The following LRRC75B variants were observed in gnomAD, a reference collection of about 807,000 sequenced individuals.
LRRC75B encodes leucine-rich repeat-containing protein 75B.
In LRRC75B, 20 loss-of-function variants were observed where a neutral mutation model predicts 16.5. The observed-to-expected ratio is 1.21, with a 90% CI of 0.85 to 1.76. The LOEUF (loss-of-function observed/expected upper bound fraction) is 1.76. LRRC75B is among the 40% of genes most tolerant of loss of function. LRRC75B has a pLI of 0.00. For synonymous variants in LRRC75B, 199 were observed against 198.1 expected, an observed-to-expected ratio of 1.00 and a Z score of -0.04; for missense variants, 406 against 417.0, an observed-to-expected ratio of 0.97 and a Z score of 0.23.
intron 3 of LRRC75B, 68 bp from the exon 4 acceptor site, chr22:24,586,479 G>T: frequency 6.6e-7 from 1 of 1,506,794 alleles, no homozygotes; most frequent in South Asian, 1.3e-5. Flanking sequence ...CACAGACAGT[G>T]ACCTGTCGGG....
Position 24,586,417 on chromosome 22 carries a change from G to A in LRRC75B, c.423-6C>T, listed in dbSNP as rs1401707119. 6.2e-7 allele frequency: 1 copy of A among 1,604,780 alleles called. No homozygotes were observed. The highest frequency in any genetic ancestry group is 1.7e-5 in the Admixed American group (1 of 59,600). The stretch of plus-strand genomic sequence containing the variant: ...TCTGGAGGCTGCTCTTGAGGCTATG[G>A]GAGAGTGGCAGGTGGGGATGGACTA... On this transcript the variant is annotated splice_polypyrimidine_tract_variant and splice_region_variant and intron_variant, in intron 3 of 3. Transcript: ENST00000318753.
chr22:24,587,151 CT>C (rs2045418838), intron 3 of LRRC75B, among the ~76,000 whole-genome samples: 1 of 152,122 alleles, frequency 6.6e-6, no homozygotes, highest in Non-Finnish European at 1.5e-5. Flanking sequence ...GATGTCGATT[CT>C]TTTAGGGTAG....
At chr22:24,588,932 C>T (rs530843186) in intron 2 of LRRC75B, 132 of 1,003,274 alleles carry the variant, frequency 1.3e-4, no homozygotes, top group Non-Finnish European at 1.5e-4. Flanking sequence ...CCGAGGTGCG[C>T]GGCCCACAAA....
intron 3 of LRRC75B, 50 bp from the exon 4 acceptor site, chr22:24,586,461 C>T (rs1324623804): frequency 2.6e-6 from 4 of 1,559,304 alleles, no homozygotes; most frequent in Non-Finnish European, 3.5e-6. Flanking sequence ...GGCAGTCCCC[C>T]CACTGACCAC....
At position 24,589,218 on chromosome 22, in the gene LRRC75B, C is replaced by T. The variant is rs1404815002; in HGVS notation, c.306+603G>A. ...CACACATCCTGGGGCTGTGTCGATG[C>T]TCATGGCAGGACATCTGCAGGTGCT... On this transcript the variant is annotated intron_variant, in intron 2 of 3. Coordinates refer to ENST00000318753, the MANE Select transcript of LRRC75B (RefSeq NM_207644.3). 1.1e-5 allele frequency: 14 copies of T among 1,254,394 alleles called. No homozygotes were observed. In the South Asian group the frequency reaches 1.6e-4, roughly 15 times the overall value. 77.7% of individuals were successfully genotyped at this position (1,254,394 alleles called of 1,614,324 possible).
At chr22:24,587,649 C>T (rs1034927301) in intron 3 of LRRC75B, among the ~76,000 whole-genome samples, 10 of 152,250 alleles carry the variant, frequency 6.6e-5, no homozygotes, top group Middle Eastern at 6.8e-3. Context: ...GGAGTCACTC[C>T]AGGATGGAGT....
chr22:24,592,553 G>C (rs535736244), intron 1 of LRRC75B: 22 of 447,170 alleles, frequency 4.9e-5, no homozygotes, highest in South Asian at 3.6e-4. Context: ...CCAGGCTACC[G>C]GGCCACCCTC....
chr22:24,590,038 G>A (rs1189970441), intron 1 of LRRC75B, 89 bp from the exon 2 acceptor site: 12 of 1,390,828 alleles, frequency 8.6e-6, no homozygotes, highest in South Asian at 7.6e-5. Context: ...GCTTATGCCC[G>A]TTCCTGTCTC....
intron 2 of LRRC75B, chr22:24,589,025 T>G (rs1209704337): frequency 7.8e-6 from 8 of 1,021,948 alleles, no homozygotes; most frequent in Non-Finnish European, 9.4e-6. Context: ...ACACAGCAGC[T>G]GCAAGCCCTG....
At chr22:24,589,008 G>A in intron 2 of LRRC75B, 1 of 1,020,118 alleles carries the variant, frequency 9.8e-7, no homozygotes, top group Non-Finnish European at 1.2e-6. Context: ...CCAGGAGCAG[G>A]CAGCACACAC....
At chr22:24,591,466 A>T (rs971398992) in intron 1 of LRRC75B, among the ~76,000 whole-genome samples, 3 of 152,136 alleles carry the variant, frequency 2.0e-5, no homozygotes, top group Non-Finnish European at 2.9e-5. Flanking sequence ...GCCTTCTCCA[A>T]TCCATAGGTG....
At position 24,592,848 on chromosome 22, in the gene LRRC75B, G is replaced by A. The variant is rs927787314; in HGVS notation, c.177+15C>T. On this transcript the variant is annotated intron_variant, in intron 1 of 3. Transcript: ENST00000318753. ...CCTGGCCGCCAGCCCAGGGGCGGAC[G>A]GCTCCTTCTCTCGCCTGGCGCAGGA... 1.6e-6 allele frequency: 2 copies of A among 1,276,382 alleles called. No individual in the cohort carries two copies. Among genetic ancestry groups the A allele is most frequent in the Non-Finnish European group, 2.0e-6 (2 of 1,010,894 alleles). 79.1% of individuals were successfully genotyped at this position (1,276,382 alleles called of 1,614,324 possible).
intron 2 of LRRC75B, chr22:24,588,648 T>C (rs1371136633): frequency 8.8e-7 from 1 of 1,138,342 alleles, no homozygotes; most frequent in Admixed American, 3.7e-5. Flanking sequence ...GCCGGCTGCC[T>C]GCCCACCCTC....
In LRRC75B at chr22:24,586,315, G is replaced by A; in HGVS notation, c.519C>T (p.Arg173=). ...GCACAGCACCATGGCTGCTCAGGTA[G>A]CGTGTGATGTGTTGCACGTCCTGTG... ...LSTQDVQHIT[R]YLSSHGAVLA... Residue 173 remains arginine (R), a synonymous_variant, in exon 4 of 4, where the codon CGC becomes CGT. Transcript: ENST00000318753. 1 of 1,614,002 alleles carries A rather than the reference G, an allele frequency of 6.2e-7. No homozygotes were observed. The highest frequency in any genetic ancestry group is 8.5e-7 in the Non-Finnish European group (1 of 1,180,052).
chr22:24,586,491 A>G, intron 3 of LRRC75B, 80 bp from the exon 4 acceptor site: 4 of 1,433,732 alleles, frequency 2.8e-6, no homozygotes, highest in Non-Finnish European at 3.8e-6. Context: ...CCTGTCGGGA[A>G]CAGCCCAGGC....
In LRRC75B at chr22:24,592,988, C is replaced by T. The variant is rs985185088; in HGVS notation, c.52G>A (p.Gly18Arg). Residue 18 changes from glycine to arginine, a missense_variant, in exon 1 of 4, where the codon GGG becomes AGG. By Grantham distance (125) the Gly-to-Arg change is moderately radical. Coordinates refer to ENST00000318753, the MANE Select transcript of LRRC75B (RefSeq NM_207644.3). Reference protein sequence around the residue: ...RAGPEAGSEAGAAAGCGPAPY... With the variant: ...RAGPEAGSEARAAAGCGPAPY... ...GCGGGCCCGCAGCCGGCCGCCGCCC[C>T]GGCCTCAGAGCCAGCCTCGGGCCCG... The T allele has an allele frequency of 1.5e-5, 17 of 1,156,654 alleles. No individual in the cohort carries two copies. The African/African-American group carries it at 1.6e-4, about 11-fold the overall frequency. 71.6% of individuals were successfully genotyped at this position (1,156,654 alleles called of 1,614,324 possible).
At chr22:24,588,039 G>A (rs999226840) in intron 3 of LRRC75B, among the ~76,000 whole-genome samples, 175 bp downstream of exon 3, 2 of 152,154 alleles carry the variant, frequency 1.3e-5, no homozygotes, top group Admixed American at 6.5e-5. Flanking sequence ...TTGGCTTGGG[G>A]AGCATCTGCT....
intron 1 of LRRC75B, chr22:24,592,573 A>G: frequency 2.2e-6 from 1 of 459,706 alleles, no homozygotes; most frequent in Non-Finnish European, 4.1e-6. Flanking sequence ...CAACACACAC[A>G]ACCCCTCTCA....
In LRRC75B at chr22:24,589,176, C is replaced by T. The variant is rs56232027; in HGVS notation, c.306+645G>A. The T allele has an allele frequency of 5.5e-3, 6,504 of 1,172,634 alleles. 23 individuals carry two copies. The highest frequency in any genetic ancestry group is 6.5e-3 in the Non-Finnish European group (6,019 of 923,398). The allele number at this position is 1,172,634 out of a possible 1,614,324, so 72.6% of individuals were successfully genotyped here. A position where few individuals can be genotyped will look rare whatever the true frequency, so the allele number is the denominator to read the frequency against. ...CTCACTGTGACTAGGAGTCTGGGTC[C>T]GGTGGCTGGTCACAGCCACACATCC... On this transcript the variant is annotated intron_variant, in intron 2 of 3. Coordinates refer to ENST00000318753, the MANE Select transcript of LRRC75B (RefSeq NM_207644.3).
Sources: allele counts gnomAD v4.1 joint callset (sites outside exome capture counted in the v4.1 genomes callset), GRCh38; gene constraint gnomAD v4.1.1; transcripts MANE v1.5; gene names NCBI Gene and HGNC (gene_info 2026-07-23, HGNC 2026-07-21).